The following DCC variants were observed in gnomAD, a reference collection of about 807,000 sequenced individuals.
DCC encodes DCC netrin 1 receptor.
Under a neutral mutation model 172.5 loss-of-function variants are expected in DCC, and 58 were observed. The observed-to-expected ratio is 0.34, with a 90% CI of 0.27 to 0.42. The LOEUF (loss-of-function observed/expected upper bound fraction) is 0.42, where lower values mean the gene tolerates loss of function less well. DCC is among the 10% of genes least tolerant of loss of function. The pLI is 1.00. For synonymous variants in DCC, 709 were observed against 644.5 expected (o/e 1.10, Z -1.52); for missense variants, 1,740 against 1,791.0 (o/e 0.97, Z 0.51).
At chr18:53,121,954 C>T (rs2144290835) in intron 7 of DCC, among the ~76,000 whole-genome samples, 1 of 152,026 alleles carries the variant, frequency 6.6e-6, no homozygotes, top group East Asian at 1.9e-4. Context: ...GATAAATACC[C>T]TGAGGCTCTA....
intron 18 of DCC, among the ~76,000 whole-genome samples, chr18:53,398,045 G>A (rs780039935): frequency 6.6e-5 from 10 of 152,084 alleles, no homozygotes; most frequent in Non-Finnish European, 1.0e-4. Context: ...ACTATGGATC[G>A]TAAATGTAGA....
At position 53,275,525 on chromosome 18, in the gene DCC, C is replaced by A. The variant is rs184883425; in HGVS notation, c.1912-30053C>A. On this transcript the variant is annotated intron_variant, in intron 12 of 28. Coordinates refer to ENST00000442544, the MANE Select transcript of DCC (RefSeq NM_005215.4). ...TTCACTCAACATTTTTTGCTGGCTTCCTTTAGTTCACTGTATTACAGTATA... is the reference window on the plus strand; with the variant it reads ...TTCACTCAACATTTTTTGCTGGCTTACTTTAGTTCACTGTATTACAGTATA... Among the ~76,000 whole-genome samples the A allele has an allele frequency of 8.2e-4, 124 of 152,104 alleles. 1 individual carries two copies. Among genetic ancestry groups the A allele is most frequent in the Non-Finnish European group, 1.1e-3 (78 of 67,962 alleles).
chr18:53,275,154 G>C (rs59166914), intron 12 of DCC, among the ~76,000 whole-genome samples: 1 of 152,050 alleles, frequency 6.6e-6, no homozygotes, highest in East Asian at 1.9e-4. Flanking sequence ...AGTGGAATTC[G>C]TTAAGAATGT....
At chr18:53,324,689 A>T (rs1439928588) in intron 14 of DCC, among the ~76,000 whole-genome samples, 1 of 152,136 alleles carries the variant, frequency 6.6e-6, no homozygotes, top group African/African-American at 2.4e-5. Flanking sequence ...AGGATGCCAA[A>T]GTCATGAGGT....
Position 53,410,481 on chromosome 18 carries a change from A to G in DCC, c.2965A>G (p.Asn989Asp), listed in dbSNP as rs1909914435. Reference sequence around the variant, plus strand: ...CATCTTATTTTATACCTTGGACAAGAACATCCCAATTGATGACTGGATTAT... The same window carrying G: ...CATCTTATTTTATACCTTGGACAAGGACATCCCAATTGATGACTGGATTAT... Reference protein sequence around the residue: ...AYILFYTLDKNIPIDDWIMET... With the variant: ...AYILFYTLDKDIPIDDWIMET... Residue 989 changes from asparagine (N) to aspartate (D), a missense_variant, in exon 20 of 29, where the codon AAC (asparagine) becomes GAC (aspartate). Around this residue, in one of 2 missense-constraint regions of DCC, gnomAD observed 1,732 missense variants for 1,767.4 expected, o/e 0.98. Transcript: ENST00000442544. 1.9e-6 allele frequency: 3 copies of G among 1,610,296 alleles called. No individual in the cohort carries two copies. The East Asian group carries it at 6.7e-5, about 36-fold the overall frequency.
At chr18:52,725,501 T>C (rs552320190) in intron 1 of DCC, among the ~76,000 whole-genome samples, 11 of 152,310 alleles carry the variant, frequency 7.2e-5, no homozygotes, top group African/African-American at 2.6e-4. Flanking sequence ...GCCTGTGCCA[T>C]GCGGGCTGCC....
chr18:52,683,630 T>C (rs2144996213), intron 1 of DCC, among the ~76,000 whole-genome samples: 1 of 152,122 alleles, frequency 6.6e-6, no homozygotes, highest in East Asian at 1.9e-4. Flanking sequence ...AGGTCTCAGG[T>C]TCTGAATCTC....
intron 7 of DCC, among the ~76,000 whole-genome samples, chr18:53,079,809 A>G (rs1243957833): frequency 6.6e-6 from 1 of 152,166 alleles, no homozygotes; most frequent in Non-Finnish European, 1.5e-5. Context: ...TGGTAGAAGA[A>G]ACATTACATA....
At chr18:52,802,732 C>A (rs962288319) in intron 2 of DCC, among the ~76,000 whole-genome samples, 2 of 127,262 alleles carry the variant, frequency 1.6e-5, no homozygotes, top group Admixed American at 1.8e-4. Context: ...TCTTGAACTC[C>A]TGGGCTGAAG....
chr18:53,508,184 C>T (rs1393440303), intron 27 of DCC, among the ~76,000 whole-genome samples: 6 of 148,956 alleles, frequency 4.0e-5, no homozygotes, highest in Non-Finnish European at 6.0e-5. Context: ...TGAGCCACCG[C>T]GCCCGGCCGA....
chr18:52,987,416 A>AT (rs1268662003), intron 5 of DCC, among the ~76,000 whole-genome samples: 3 of 152,100 alleles, frequency 2.0e-5, no homozygotes, highest in Admixed American at 6.6e-5. Flanking sequence ...GTATGAGCAA[A>AT]TTTTTTTTAC....
chr18:53,454,623 G>T (rs2045461096), intron 23 of DCC, among the ~76,000 whole-genome samples: 1 of 152,176 alleles, frequency 6.6e-6, no homozygotes, highest in African/African-American at 2.4e-5. Flanking sequence ...AGGTGTACTT[G>T]TTAGAACCAC....
intron 12 of DCC, among the ~76,000 whole-genome samples, chr18:53,269,364 C>T (rs1199161321): frequency 1.3e-5 from 2 of 152,116 alleles, no homozygotes; most frequent in Non-Finnish European, 2.9e-5. Flanking sequence ...AGTTTAACAA[C>T]AATGGTCTAT....
intron 3 of DCC, among the ~76,000 whole-genome samples, chr18:52,914,733 A>G (rs1003610489): frequency 9.9e-5 from 15 of 152,280 alleles, no homozygotes; most frequent in Non-Finnish European, 1.9e-4. Context: ...GGCTCACGGT[A>G]CCTGCTGAAT....
At chr18:52,476,667 T>C (rs562778683) in intron 1 of DCC, among the ~76,000 whole-genome samples, 65 of 152,270 alleles carry the variant, frequency 4.3e-4, no homozygotes, top group African/African-American at 1.5e-3. Flanking sequence ...GGGGTCTGGT[T>C]CTAAGGAGCT....
At chr18:53,346,289 C>T (rs1379456075) in intron 15 of DCC, among the ~76,000 whole-genome samples, 3 of 152,048 alleles carry the variant, frequency 2.0e-5, no homozygotes, top group African/African-American at 7.2e-5. Flanking sequence ...TTTACTATAT[C>T]TTGCCTGTGT....
intron 12 of DCC, among the ~76,000 whole-genome samples, chr18:53,269,962 G>C (rs1489958211): frequency 1.3e-5 from 2 of 152,240 alleles, no homozygotes; most frequent in African/African-American, 2.4e-5. Context: ...TTCTAGAAGA[G>C]AAATATACTA....
chr18:53,417,945 C>A (rs1014542789), intron 21 of DCC, among the ~76,000 whole-genome samples: 1 of 152,136 alleles, frequency 6.6e-6, no homozygotes, highest in Non-Finnish European at 1.5e-5. Context: ...GATCACACAT[C>A]CTCCATGGAT....
intron 5 of DCC, among the ~76,000 whole-genome samples, chr18:53,054,433 A>G (rs768760305): frequency 2.6e-5 from 4 of 152,156 alleles, no homozygotes; most frequent in Non-Finnish European, 5.9e-5. Flanking sequence ...ATCAAAAGCC[A>G]TCAATAGCAC....
Sources: allele counts gnomAD v4.1 joint callset (sites outside exome capture counted in the v4.1 genomes callset), GRCh38; gene constraint gnomAD v4.1.1; regional missense constraint gnomAD v4.1.1; transcripts MANE v1.5; gene names NCBI Gene and HGNC (gene_info 2026-07-23, HGNC 2026-07-21).